The following ROBO1 variants were observed in gnomAD, a reference collection of about 807,000 sequenced individuals.
The protein encoded by ROBO1 is roundabout guidance receptor 1, also known as roundabout homolog 1.
In ROBO1, 149 loss-of-function variants were observed where a neutral mutation model predicts 195.9. The ratio of observed to expected loss-of-function variants is 0.76; its 90% confidence interval spans 0.67 to 0.87. ROBO1 has a LOEUF of 0.87. ROBO1 is among the 40% of genes least tolerant of loss of function. The pLI, the probability that ROBO1 is intolerant of heterozygous loss-of-function variation, is 0.00. For missense variants in ROBO1, 1,933 were observed against 2,068.3 expected (o/e 0.93, Z 1.27); for synonymous variants, 816 against 733.2 (o/e 1.11, Z -1.82).
intron 4 of ROBO1, among the ~76,000 whole-genome samples, chr3:78,774,619 A>T (rs2083460045): frequency 1.8e-5 from 1 of 56,954 alleles, no homozygotes; most frequent in African/African-American, 5.6e-5. Flanking sequence ...AAAAAAAAAA[A>T]TCTACCACTT....
intron 1 of ROBO1, among the ~76,000 whole-genome samples, chr3:79,729,925 T>C (rs184196671): frequency 6.6e-6 from 1 of 152,352 alleles, no homozygotes; most frequent in Admixed American, 6.5e-5. Flanking sequence ...ACATATTTTA[T>C]GGCCCATCCC....
chr3:79,241,652 AC>A (rs974876905), intron 2 of ROBO1, among the ~76,000 whole-genome samples: 3 of 151,130 alleles, frequency 2.0e-5, no homozygotes, highest in African/African-American at 7.3e-5. Flanking sequence ...GATAGTAATA[AC>A]CAATATTTGT....
intron 4 of ROBO1, among the ~76,000 whole-genome samples, chr3:78,876,553 A>G (rs1017490375): frequency 4.6e-5 from 7 of 152,182 alleles, no homozygotes; most frequent in Admixed American, 1.3e-4. Flanking sequence ...GATTGTTAGA[A>G]TAATAAATTC....
At chr3:79,681,358 G>T (rs1684209784) in intron 1 of ROBO1, among the ~76,000 whole-genome samples, 1 of 151,844 alleles carries the variant, frequency 6.6e-6, no homozygotes. Context: ...GGAAAATCCA[G>T]ATTTTGGCCC....
intron 2 of ROBO1, among the ~76,000 whole-genome samples, chr3:79,152,726 A>C (rs577007596): frequency 2.8e-4 from 42 of 151,890 alleles, no homozygotes; most frequent in Middle Eastern, 3.4e-3. Context: ...AAACAGAATA[A>C]TTGCAGATTG....
At chr3:78,769,488 G>A (rs1472688942) in intron 4 of ROBO1, among the ~76,000 whole-genome samples, 1 of 152,038 alleles carries the variant, frequency 6.6e-6, no homozygotes, top group Non-Finnish European at 1.5e-5. Flanking sequence ...GTAGATGGTT[G>A]GTGAGTTCTT....
At chr3:78,800,390 A>G (rs2084329327) in intron 4 of ROBO1, among the ~76,000 whole-genome samples, 1 of 152,168 alleles carries the variant, frequency 6.6e-6, no homozygotes, top group African/African-American at 2.4e-5. Flanking sequence ...GTAATGAACA[A>G]TTTTAATGTG....
chr3:79,525,348 A>G (rs113971792), intron 2 of ROBO1, among the ~76,000 whole-genome samples: 1,747 of 149,714 alleles, frequency 0.012, 26 homozygotes, highest in African/African-American at 0.039. Flanking sequence ...AATAATTTTT[A>G]AAACACTCAT....
At chr3:79,296,097 G>A (rs568736723) in intron 2 of ROBO1, among the ~76,000 whole-genome samples, 11 of 152,078 alleles carry the variant, frequency 7.2e-5, no homozygotes, top group East Asian at 1.9e-4. Context: ...ATCTGCTTTC[G>A]GGCAATCCAG....
At chr3:79,389,354 T>G (rs1015950487) in intron 2 of ROBO1, among the ~76,000 whole-genome samples, 1 of 152,136 alleles carries the variant, frequency 6.6e-6, no homozygotes, top group Non-Finnish European at 1.5e-5. Context: ...TAAACTTCAC[T>G]TGGTAGGTTT....
At chr3:78,744,893 A>G (rs2082619394) in intron 5 of ROBO1, among the ~76,000 whole-genome samples, 1 of 152,090 alleles carries the variant, frequency 6.6e-6, no homozygotes, top group South Asian at 2.1e-4. Context: ...TATAGGATTT[A>G]TTATAGTTTA....
chr3:79,337,211 G>A (rs776494607), intron 2 of ROBO1, among the ~76,000 whole-genome samples: 4 of 152,190 alleles, frequency 2.6e-5, no homozygotes, highest in South Asian at 2.1e-4. Flanking sequence ...TTGGAATTAC[G>A]TGGTTGTATT....
At chr3:79,420,361 C>T (rs554030177) in intron 2 of ROBO1, among the ~76,000 whole-genome samples, 37 of 152,116 alleles carry the variant, frequency 2.4e-4, no homozygotes, top group Non-Finnish European at 4.0e-4. Context: ...TCCTCCAATA[C>T]ATTTCTTACC....
chr3:78,829,427 T>C (rs1379300129), intron 4 of ROBO1, among the ~76,000 whole-genome samples: 2 of 152,164 alleles, frequency 1.3e-5, no homozygotes, highest in Non-Finnish European at 2.9e-5. Context: ...TCATTCACAA[T>C]CTAAGGGGAT....
intron 3 of ROBO1, among the ~76,000 whole-genome samples, chr3:79,011,395 C>T (rs562543206): frequency 6.6e-6 from 1 of 152,144 alleles, no homozygotes; most frequent in Non-Finnish European, 1.5e-5. Flanking sequence ...AATGTAACAG[C>T]AGGCAAGTTA....
At position 79,728,530 on chromosome 3, in the gene ROBO1, C is replaced by T. The variant is rs553573915; in HGVS notation, c.-51+39222G>A. 2.0e-5 allele frequency among the ~76,000 whole-genome samples: 3 copies of T among 152,170 alleles called. No homozygotes were observed. In the East Asian group the frequency reaches 5.8e-4, roughly 29 times the overall value. ...GTGTAAAAGGTGAAATATTTGTAAA[C>T]CAACTACAACAAACTATAATTTAAA... On this transcript the variant is annotated intron_variant, in intron 1 of 30. Transcript: ENST00000464233.
intron 11 of ROBO1, among the ~76,000 whole-genome samples, chr3:78,669,036 A>C (rs1166212613): frequency 3.3e-5 from 5 of 152,146 alleles, no homozygotes; most frequent in African/African-American, 1.2e-4. Flanking sequence ...GCATCATAGA[A>C]TTTTTTTCTT....
chr3:79,136,591 A>G (rs1440806347), intron 2 of ROBO1, among the ~76,000 whole-genome samples: 2 of 152,260 alleles, frequency 1.3e-5, no homozygotes, highest in East Asian at 3.9e-4. Context: ...CTTTAAATGG[A>G]GTACTGAGAA....
intron 3 of ROBO1, among the ~76,000 whole-genome samples, chr3:79,045,471 G>T (rs990000532): frequency 6.6e-6 from 1 of 151,874 alleles, no homozygotes; most frequent in Admixed American, 6.6e-5. Flanking sequence ...TAATTATAGA[G>T]AAACATATGG....
Sources: allele counts gnomAD v4.1 joint callset (sites outside exome capture counted in the v4.1 genomes callset), GRCh38; gene constraint gnomAD v4.1.1; transcripts MANE v1.5; gene names NCBI Gene and HGNC (gene_info 2026-07-23, HGNC 2026-07-21).